Variants in FHIT observed in about 807,000 individuals in gnomAD.
The protein encoded by FHIT is fragile histidine triad diadenosine triphosphatase, also known as bis(5'-adenosyl)-triphosphatase.
In FHIT, 19 loss-of-function variants were observed where a neutral mutation model predicts 17.9. That is an observed-to-expected ratio of 1.06 (90% confidence interval 0.74 to 1.56). FHIT has a LOEUF of 1.56. FHIT is among the 40% of genes most tolerant of loss of function. FHIT has a pLI of 0.00. For missense variants in FHIT, 248 were observed against 189.2 expected (o/e 1.31, Z -1.82); for synonymous variants, 81 against 69.7 (o/e 1.16, Z -0.81).
At chr3:60,541,097 T>G (rs1429515655) in intron 4 of FHIT, among the ~76,000 whole-genome samples, 1 of 152,182 alleles carries the variant, frequency 6.6e-6, no homozygotes, top group African/African-American at 2.4e-5. Flanking sequence ...GGCCTTTTCC[T>G]ACAGAATTCC....
chr3:59,995,560 G>A (rs1025062494), intron 7 of FHIT, among the ~76,000 whole-genome samples: 2 of 152,080 alleles, frequency 1.3e-5, no homozygotes, highest in Non-Finnish European at 2.9e-5. Flanking sequence ...AGCTATGATG[G>A]TAATATTTTT....
At chr3:60,447,300 G>A (rs1015182332) in intron 5 of FHIT, among the ~76,000 whole-genome samples, 5 of 151,992 alleles carry the variant, frequency 3.3e-5, no homozygotes, top group African/African-American at 1.2e-4. Flanking sequence ...AAGTCCTCAG[G>A]TTAATTTAAT....
At chr3:60,330,535 G>A (rs1267217595) in intron 5 of FHIT, among the ~76,000 whole-genome samples, 1 of 152,158 alleles carries the variant, frequency 6.6e-6, no homozygotes, top group Non-Finnish European at 1.5e-5. Flanking sequence ...GCATGGCCAC[G>A]AAACTCAGCA....
Position 59,858,361 on chromosome 3 carries a change from G to C in FHIT, c.348+63985C>G, listed in dbSNP as rs1702264728. Among the ~76,000 whole-genome samples the C allele has an allele frequency of 2.0e-5, 3 of 150,222 alleles. No homozygotes were observed. The South Asian group carries it at 6.3e-4, about 32-fold the overall frequency. ...CTTGCCTCAGCCTCCCAAGTAGCTGGGATTACAGGCGCCCGCCACTACGCC... is the reference window on the plus strand; with the variant it reads ...CTTGCCTCAGCCTCCCAAGTAGCTGCGATTACAGGCGCCCGCCACTACGCC... On this transcript the variant is annotated intron_variant, in intron 8 of 9. Coordinates refer to ENST00000492590, the MANE Select transcript of FHIT (RefSeq NM_002012.4).
At chr3:60,856,571 T>C (rs1575601977) in intron 3 of FHIT, 1 of 152,144 alleles carries the variant, frequency 6.6e-6, no homozygotes, top group African/African-American at 2.4e-5. Context: ...CTTTAAGTAA[T>C]GAACCACAGA....
chr3:60,939,784 A>C (rs538177196), intron 3 of FHIT, among the ~76,000 whole-genome samples: 1 of 152,134 alleles, frequency 6.6e-6, no homozygotes, highest in Admixed American at 6.5e-5. Flanking sequence ...ATACACATAG[A>C]TATACATGTT....
chr3:60,600,902 G>C (rs141873070), intron 4 of FHIT, among the ~76,000 whole-genome samples: 176 of 152,262 alleles, frequency 1.2e-3, no homozygotes, highest in Admixed American at 0.01. Flanking sequence ...ATGAGCGGAT[G>C]CAACAGCCCT....
chr3:60,239,630 A>C (rs1185893526), intron 5 of FHIT, among the ~76,000 whole-genome samples: 1 of 152,128 alleles, frequency 6.6e-6, no homozygotes, highest in Admixed American at 6.5e-5. Context: ...TAGAGTTCCT[A>C]GGATCTCCAC....
chr3:60,805,516 C>G (rs1553733706), intron 4 of FHIT, among the ~76,000 whole-genome samples: 1 of 151,924 alleles, frequency 6.6e-6, no homozygotes, highest in East Asian at 1.9e-4. Flanking sequence ...CCCTTATGAC[C>G]TCATTTAACA....
chr3:59,777,459 C>T (rs11707726), intron 8 of FHIT, among the ~76,000 whole-genome samples: 51,865 of 151,878 alleles, frequency 0.34, 9,409 homozygotes, highest in Middle Eastern at 0.5. Flanking sequence ...GCTGGTTACT[C>T]GAGCCAAAAA....
chr3:59,876,885 T>C (rs1453292087), intron 8 of FHIT, among the ~76,000 whole-genome samples: 3 of 152,194 alleles, frequency 2.0e-5, no homozygotes, highest in African/African-American at 4.8e-5. Flanking sequence ...AAGCCACTGA[T>C]AGGAATAGGA....
At chr3:59,784,315 G>A (rs1702738888) in intron 8 of FHIT, among the ~76,000 whole-genome samples, 1 of 152,150 alleles carries the variant, frequency 6.6e-6, no homozygotes, top group Non-Finnish European at 1.5e-5. Flanking sequence ...TTGTTTCTCA[G>A]TATCCATTCT....
chr3:60,640,948 G>C (rs1553685144), intron 4 of FHIT, among the ~76,000 whole-genome samples: 1 of 152,200 alleles, frequency 6.6e-6, no homozygotes, highest in Non-Finnish European at 1.5e-5. Flanking sequence ...GGGTGGCTGA[G>C]GCAGGAGGAT....
chr3:60,932,830 G>C lies in FHIT; in HGVS notation c.-111+109217C>G, dbSNP rs114826209. Among the ~76,000 whole-genome samples the C allele has an allele frequency of 6.2e-3, 944 of 152,072 alleles. 8 individuals are homozygous for C. Among genetic ancestry groups the C allele is most frequent in the African/African-American group, 0.021 (889 of 41,468 alleles). ...AAAGGAGGGTAGCCCCTAGCAGTTGGTACCTCCTCCTCTCTAGCTTCCCTT... is the reference window on the plus strand; with the variant it reads ...AAAGGAGGGTAGCCCCTAGCAGTTGCTACCTCCTCCTCTCTAGCTTCCCTT... On this transcript the variant is annotated intron_variant, in intron 3 of 9. Coordinates refer to ENST00000492590, the MANE Select transcript of FHIT (RefSeq NM_002012.4).
intron 4 of FHIT, among the ~76,000 whole-genome samples, chr3:60,799,658 C>A (rs1171399109): frequency 2.6e-5 from 4 of 152,190 alleles, no homozygotes; most frequent in Admixed American, 2.0e-4. Context: ...AGTGTTTCTC[C>A]TTTCCCTACT....
chr3:59,913,716 T>C (rs1216683661), intron 8 of FHIT, among the ~76,000 whole-genome samples: 1 of 152,206 alleles, frequency 6.6e-6, no homozygotes, highest in African/African-American at 2.4e-5. Context: ...TTATGACCAC[T>C]AACCTTACAC....
chr3:60,073,593 C>T (rs575295792), intron 5 of FHIT, among the ~76,000 whole-genome samples: 1 of 151,974 alleles, frequency 6.6e-6, no homozygotes, highest in African/African-American at 2.4e-5. Context: ...CTTCTCTAAC[C>T]CCTCATCGTT....
intron 8 of FHIT, among the ~76,000 whole-genome samples, chr3:59,879,474 A>G (rs766677524): frequency 3.3e-5 from 5 of 152,196 alleles, no homozygotes; most frequent in Non-Finnish European, 5.9e-5. Flanking sequence ...TATCTGCAAG[A>G]TAGAAAACAA....
chr3:59,992,977 A>C (rs3772501), intron 7 of FHIT, among the ~76,000 whole-genome samples: 20,980 of 152,106 alleles, frequency 0.14, 1,825 homozygotes, highest in East Asian at 0.38. Flanking sequence ...ACCCGTAAGA[A>C]GTCCAGGTCG....
Sources: gnomAD v4.1 joint callset for allele counts (sites outside exome capture counted in the v4.1 genomes callset) on GRCh38, gnomAD v4.1.1 for gene constraint, MANE v1.5 for transcripts, NCBI Gene and HGNC (gene_info 2026-07-23, HGNC 2026-07-21) for gene names.